Variants in CDH13 observed in about 807,000 individuals in gnomAD.
The protein encoded by CDH13 is cadherin 13, also known as cadherin-13.
CDH13 carries 24 observed loss-of-function variants against 63.8 expected under a neutral mutation model. The observed-to-expected ratio is 0.38, with a 90% CI of 0.27 to 0.53. CDH13 has a LOEUF of 0.53. Among genes scored for constraint, CDH13 ranks in the 20% least tolerant of loss-of-function variants. CDH13 has a pLI of 0.85. For missense variants in CDH13, 1,049 were observed against 903.1 expected (o/e 1.16, Z -2.07); for synonymous variants, 503 against 355.3 (o/e 1.42, Z -4.67).
At chr16:82,736,449 A>G (rs2033677875) in intron 1 of CDH13, among the ~76,000 whole-genome samples, 1 of 152,186 alleles carries the variant, frequency 6.6e-6, no homozygotes. Context: ...TCCCAGATGC[A>G]TTGATGAACA....
intron 5 of CDH13, among the ~76,000 whole-genome samples, chr16:83,258,524 GA>G (rs1906563722): frequency 6.6e-6 from 1 of 152,200 alleles, no homozygotes; most frequent in African/African-American, 2.4e-5. Context: ...GGCACTCTGT[GA>G]AAGATTGGGT....
At chr16:82,677,599 C>T (rs1487817976) in intron 1 of CDH13, among the ~76,000 whole-genome samples, 1 of 152,090 alleles carries the variant, frequency 6.6e-6, no homozygotes, top group Non-Finnish European at 1.5e-5. Context: ...GTGAGGAAAT[C>T]AGAGCTCATT....
chr16:82,879,834 A>ATATTT (rs2040632653), intron 2 of CDH13, among the ~76,000 whole-genome samples: 1 of 141,486 alleles, frequency 7.1e-6, no homozygotes, highest in Non-Finnish European at 1.5e-5. Context: ...TATATAAATT[A>ATATTT]TGCAAATTAT....
chr16:83,780,299 C>G, intron 12 of CDH13, 98 bp downstream of exon 12: 1 of 751,246 alleles, frequency 1.3e-6, no homozygotes, highest in Non-Finnish European at 2.1e-6. Context: ...CAAGTATTCT[C>G]ATTTGGTTCA....
intron 7 of CDH13, among the ~76,000 whole-genome samples, chr16:83,540,046 T>C (rs1432691317): frequency 6.6e-6 from 1 of 151,522 alleles, no homozygotes; most frequent in East Asian, 1.9e-4. Context: ...TTTAAAATTC[T>C]TTATGTTATT....
At chr16:82,874,028 T>C (rs1373089235) in intron 2 of CDH13, among the ~76,000 whole-genome samples, 1 of 148,826 alleles carries the variant, frequency 6.7e-6, no homozygotes, top group Admixed American at 6.8e-5. Flanking sequence ...CCAGATGTGT[T>C]CTGGAATTTA....
intron 2 of CDH13, among the ~76,000 whole-genome samples, chr16:82,986,783 A>G (rs769421215): frequency 6.6e-6 from 1 of 152,236 alleles, no homozygotes; most frequent in African/African-American, 2.4e-5. Flanking sequence ...ATGAATGTCT[A>G]CAAATACCGC....
At chr16:82,765,031 G>T (rs561492086) in intron 1 of CDH13, among the ~76,000 whole-genome samples, 1 of 152,084 alleles carries the variant, frequency 6.6e-6, no homozygotes, top group Non-Finnish European at 1.5e-5. Context: ...GGCCAGGCAG[G>T]TCTCAAACTC....
intron 6 of CDH13, among the ~76,000 whole-genome samples, chr16:83,469,174 GCTAAGGGCTTTTCAA>G (rs1215883772): frequency 2.6e-5 from 4 of 152,192 alleles, no homozygotes. Context: ...AGTGGCAGCT[GCTAAGGGCTTTTCAA>G]CTCAGTGTTT....
chr16:82,839,249 G>C (rs1285292741), intron 1 of CDH13, among the ~76,000 whole-genome samples: 2 of 152,080 alleles, frequency 1.3e-5, no homozygotes, highest in African/African-American at 4.8e-5. Context: ...GCGTCTTTTG[G>C]GTCTGGAAAT....
chr16:83,179,887 TAA>T (rs1364794592), intron 4 of CDH13, among the ~76,000 whole-genome samples: 1 of 146,632 alleles, frequency 6.8e-6, no homozygotes, highest in Non-Finnish European at 1.5e-5. Context: ...CAAAATAGGT[TAA>T]GTTTTTTTTT....
chr16:83,333,398 G>C (rs544323465), intron 5 of CDH13, among the ~76,000 whole-genome samples: 3 of 152,052 alleles, frequency 2.0e-5, no homozygotes, highest in Non-Finnish European at 4.4e-5. Flanking sequence ...CTTACGGAGC[G>C]GGGGTGGTCC....
Position 82,769,691 on chromosome 16 carries a change from T to C in CDH13, c.46-88671T>C, listed in dbSNP as rs190005610. Among the ~76,000 whole-genome samples the C allele has an allele frequency of 1.2e-4, 18 of 152,350 alleles. No homozygotes were observed. The East Asian group carries it at 3.3e-3, about 28-fold the overall frequency. ...TTCCATGATGCCCTAGATTTTACTT[T>C]ATGTTTGCAAATGACAAATTATTCA... is the stretch of plus-strand genomic sequence containing the variant. On this transcript the variant is annotated intron_variant, in intron 1 of 13. Coordinates refer to ENST00000567109, the MANE Select transcript of CDH13 (RefSeq NM_001257.5).
chr16:83,732,179 C>T (rs900623628), intron 10 of CDH13, among the ~76,000 whole-genome samples: 3 of 152,206 alleles, frequency 2.0e-5, no homozygotes, highest in African/African-American at 7.2e-5. Flanking sequence ...TCTGATCACA[C>T]AACCGGTGTG....
At chr16:82,880,144 C>T (rs2040650086) in intron 2 of CDH13, among the ~76,000 whole-genome samples, 1 of 151,902 alleles carries the variant, frequency 6.6e-6, no homozygotes. Context: ...ATCATACCTA[C>T]TGATCAGTGT....
chr16:83,786,463 T>G (rs1915886344), intron 13 of CDH13, among the ~76,000 whole-genome samples: 1 of 152,244 alleles, frequency 6.6e-6, no homozygotes, highest in South Asian at 2.1e-4. Flanking sequence ...TGGGGAATGG[T>G]AATGAATGGA....
chr16:83,186,244 T>C (rs1229692670), intron 4 of CDH13, among the ~76,000 whole-genome samples: 1 of 151,968 alleles, frequency 6.6e-6, no homozygotes, highest in African/African-American at 2.4e-5. Flanking sequence ...GTTCAAGCAA[T>C]TCTCCCGACT....
At chr16:83,350,444 C>G (rs1030934644) in intron 6 of CDH13, among the ~76,000 whole-genome samples, 33 of 152,246 alleles carry the variant, frequency 2.2e-4, no homozygotes, top group Non-Finnish European at 4.1e-4. Flanking sequence ...ATGTCTGATC[C>G]TTCTTCTTGA....
chr16:83,447,961 A>G (rs1269679726), intron 6 of CDH13, among the ~76,000 whole-genome samples: 1 of 152,014 alleles, frequency 6.6e-6, no homozygotes, highest in Non-Finnish European at 1.5e-5. Flanking sequence ...GTTACAGGGA[A>G]AAAGATTGCT....
Sources: allele counts gnomAD v4.1 joint callset (sites outside exome capture counted in the v4.1 genomes callset), GRCh38; gene constraint gnomAD v4.1.1; transcripts MANE v1.5; gene names NCBI Gene and HGNC (gene_info 2026-07-23, HGNC 2026-07-21).